The following DDX52 variants were observed in gnomAD, a reference collection of about 807,000 sequenced individuals.
DDX52 encodes probable ATP-dependent RNA helicase DDX52.
A neutral mutation model predicts 76.1 loss-of-function variants in DDX52; 59 were observed. That is an observed-to-expected ratio of 0.78 (90% CI 0.63 to 0.96). The LOEUF (loss-of-function observed/expected upper bound fraction) is 0.96. DDX52 is among the 40% of genes least tolerant of loss of function. The pLI is 0.00. For missense variants in DDX52, 707 were observed against 703.9 expected (o/e 1.00, Z -0.05); for synonymous variants, 231 against 244.1 (o/e 0.95, Z 0.50).
chr17:37,620,647 A>G, intron 12 of DDX52: 1 of 426,672 alleles, frequency 2.3e-6, no homozygotes, highest in Non-Finnish European at 4.1e-6. Flanking sequence ...GAAACTTACA[A>G]TGAACATTCC....
intron 2 of DDX52, among the ~76,000 whole-genome samples, chr17:37,637,944 C>T (rs1343154811): frequency 6.6e-6 from 1 of 152,210 alleles, no homozygotes; most frequent in Non-Finnish European, 1.5e-5. Flanking sequence ...AAAACCACTG[C>T]TCCCAAATCA....
In DDX52 at chr17:37,626,835, T is replaced by C. The variant is rs898616433; in HGVS notation, c.885A>G (p.Arg295=). The C allele has an allele frequency of 1.2e-5, 20 of 1,612,000 alleles. No individual in the cohort carries two copies. Among genetic ancestry groups the C allele is most frequent in the Non-Finnish European group, 1.7e-5 (20 of 1,179,452 alleles). Residue 295 remains arginine (R), a synonymous_variant, in exon 7 of 15, where the codon CGA becomes CGG. Transcript: ENST00000617633. ...GATCTTGCTTTAATAAATAGATTAG[T>C]CGATTTGGAGTAGTCACAAGAATAT... ...KFDILVTTPN[R]LIYLLKQDPP...
In DDX52 at chr17:37,621,352, A is replaced by T. The variant is rs571092309; in HGVS notation, c.1350+46T>A. The T allele has an allele frequency of 5.6e-6, 9 of 1,598,042 alleles. No homozygotes were observed. In the South Asian group the frequency reaches 9.1e-5, roughly 16 times the overall value. ...TCATAAATTTAATGTCAATAGTTTA[A>T]AATCAAGTAGTTCTTCTGAGTTTCA... On this transcript the variant is annotated intron_variant, in intron 10 of 14. Coordinates refer to ENST00000617633, the MANE Select transcript of DDX52 (RefSeq NM_007010.5).
intron 5 of DDX52, among the ~76,000 whole-genome samples, chr17:37,629,690 T>A (rs976363414): frequency 2.0e-5 from 3 of 151,920 alleles, no homozygotes; most frequent in African/African-American, 7.3e-5. Flanking sequence ...AACAAATAAA[T>A]AAATAAAAAC....
At chr17:37,638,121 C>T (rs1211413194) in intron 2 of DDX52, among the ~76,000 whole-genome samples, 1 of 152,104 alleles carries the variant, frequency 6.6e-6, no homozygotes, top group East Asian at 1.9e-4. Flanking sequence ...TGGAAGTGGT[C>T]CAGTCAAAGC....
intron 1 of DDX52, 68 bp downstream of exon 1, chr17:37,643,266 C>A (rs1465721171): frequency 1.3e-6 from 2 of 1,523,918 alleles, no homozygotes; most frequent in African/African-American, 2.7e-5. Flanking sequence ...CCTCCCCCAG[C>A]AGCGGGTTCA....
At chr17:37,626,415 T>C (rs1050925075) in intron 7 of DDX52, among the ~76,000 whole-genome samples, 1 of 152,154 alleles carries the variant, frequency 6.6e-6, no homozygotes, top group Non-Finnish European at 1.5e-5. Flanking sequence ...TGCTTCCCCT[T>C]CTGCCATGAC....
chr17:37,621,093 G>A, intron 11 of DDX52, 34 bp downstream of exon 11: 4 of 1,589,040 alleles, frequency 2.5e-6, no homozygotes, highest in Non-Finnish European at 3.4e-6. Flanking sequence ...AGATCAGTGG[G>A]TGACAGAGGG....
intron 14 of DDX52, among the ~76,000 whole-genome samples, chr17:37,615,721 C>T (rs2064416689): frequency 6.6e-6 from 1 of 151,972 alleles, no homozygotes; most frequent in Non-Finnish European, 1.5e-5. Flanking sequence ...ATGCTATAAA[C>T]TTATAAAAAT....
intron 14 of DDX52, among the ~76,000 whole-genome samples, chr17:37,617,283 C>A (rs949285929): frequency 6.6e-6 from 1 of 152,114 alleles, no homozygotes; most frequent in South Asian, 2.1e-4. Flanking sequence ...ATGGTAATAT[C>A]CTAGGCCATT....
chr17:37,611,968 A>AC lies in DDX52; in HGVS notation c.*2327_*2328insG, dbSNP rs1491297413. Reference sequence around the variant, plus strand: ...AGACCCTGTTTCTCAAAAAAAAAAAAAAAAACAAAACAAAAAAACTCATAA... The same window carrying AC: ...AGACCCTGTTTCTCAAAAAAAAAAAACAAAAACAAAACAAAAAAACTCATAA... On this transcript the variant is annotated 3_prime_UTR_variant, in exon 15 of 15. Coordinates refer to ENST00000617633, the MANE Select transcript of DDX52 (RefSeq NM_007010.5). The AC allele has an allele frequency of 2.7e-5, 4 of 149,162 alleles. No homozygotes were observed. Among genetic ancestry groups the AC allele is most frequent in the Admixed American group, 2.0e-4 (3 of 14,922 alleles). 9.2% of individuals were successfully genotyped at this position (149,162 alleles called of 1,614,324 possible). A position where few individuals can be genotyped will look rare whatever the true frequency, so the allele number is the denominator to read the frequency against.
chr17:37,628,573 A>T lies in DDX52; in HGVS notation c.847T>A (p.Ser283Thr). 1 of 1,612,242 alleles carries T rather than the reference A, an allele frequency of 6.2e-7. No individual in the cohort carries two copies. The highest frequency in any genetic ancestry group is 8.5e-7 in the Non-Finnish European group (1 of 1,179,362). Residue 283 changes from serine to threonine, a missense_variant, in exon 6 of 15, where the codon TCT becomes ACT. By Grantham distance (58) the Ser-to-Thr change is moderately conservative. Transcript: ENST00000617633. ...ATGAATTCCTTACCAAACTTTTTAG[A>T]TGATTTAGGTCCAAATTTCTTGGCT... ...VAAKKFGPKS[S>T]KKFDILVTTP...
At chr17:37,629,226 A>G (rs868262622) in intron 5 of DDX52, among the ~76,000 whole-genome samples, 6 of 101,458 alleles carry the variant, frequency 5.9e-5, no homozygotes, top group African/African-American at 2.4e-4. Context: ...CCCAAGAAAA[A>G]ATACACACAC....
chr17:37,634,703 C>T (rs564990879), intron 2 of DDX52, among the ~76,000 whole-genome samples: 16 of 152,270 alleles, frequency 1.1e-4, no homozygotes, highest in African/African-American at 3.8e-4. Context: ...GCCTTTCTCC[C>T]TCAATCTATG....
In DDX52 at chr17:37,626,009, G is replaced by A. The variant is rs1481456265; in HGVS notation, c.1022C>T (p.Ala341Val). ...TCTTCGGACCTTGTGGGATGTGCAG[G>A]CCAGGAAAATGGAAGCCAGCTGGTC... ...FRDQLASIFL[A>V]CTSHKVRRAM... The change falls in exon 8 of 15, where the codon GCC (alanine) becomes GTC (valine). Residue 341 changes from alanine (A) to valine (V), a missense_variant. By Grantham distance (64) the Ala-to-Val change is moderately conservative (BLOSUM62 0). Coordinates refer to ENST00000617633, the MANE Select transcript of DDX52 (RefSeq NM_007010.5). The A allele has an allele frequency of 1.2e-6, 2 of 1,614,130 alleles. No homozygotes were observed. Among genetic ancestry groups the A allele is most frequent in the East Asian group, 2.2e-5 (1 of 44,882 alleles).
chr17:37,621,326 T>C (rs1233713685), intron 10 of DDX52, 49 bp from the exon 11 acceptor site: 2 of 1,593,820 alleles, frequency 1.3e-6, no homozygotes, highest in Non-Finnish European at 1.7e-6. Context: ...AAACAGGTAC[T>C]TCATAAATTT....
At position 37,632,035 on chromosome 17, in the gene DDX52, G is replaced by A. The variant is rs533185634; in HGVS notation, c.603+78C>T. On this transcript the variant is annotated intron_variant, in intron 4 of 14. Transcript: ENST00000617633. ...AGGGGAGATAAGGTGGAAAGAAAGA[G>A]TTCAAGAAGAGAGGGAAGAGAATGA... The A allele has an allele frequency of 1.1e-3, 1,683 of 1,590,078 alleles. 3 individuals are homozygous for A. The highest frequency in any genetic ancestry group is 1.4e-3 in the Non-Finnish European group (1,573 of 1,159,760).
intron 2 of DDX52, among the ~76,000 whole-genome samples, chr17:37,633,655 CAAAAAAAAAA>C (rs374530358): frequency 1.2e-5 from 1 of 80,782 alleles, no homozygotes; most frequent in South Asian, 3.9e-4. Context: ...AACCTTGTCT[CAAAAAAAAAA>C]AAAAAGAAAA....
chr17:37,642,165 G>A lies in DDX52; in HGVS notation c.231C>T (p.Ser77=). 6.2e-7 allele frequency: 1 copy of A among 1,613,806 alleles called. No individual in the cohort carries two copies. Among genetic ancestry groups the A allele is most frequent in the Non-Finnish European group, 8.5e-7 (1 of 1,179,970 alleles). The change falls in exon 2 of 15, where the codon AGC becomes AGT. Residue 77 remains serine (S), a synonymous_variant. Transcript: ENST00000617633. ...KPQNGEKKEE[S]LTERKREQSK... ...TCTGCTCCCTCTTCCTTTCAGTTAG[G>A]CTCTCTTCTTTTTTCTCTCCATTTT...
Sources: gnomAD v4.1 joint callset for allele counts (sites outside exome capture counted in the v4.1 genomes callset) on GRCh38, gnomAD v4.1.1 for gene constraint, MANE v1.5 for transcripts, NCBI Gene and HGNC (gene_info 2026-07-23, HGNC 2026-07-21) for gene names.